The following F13A1 variants were observed in gnomAD, a reference collection of about 807,000 sequenced individuals.
The protein encoded by F13A1 is FSF, A subunit.
F13A1 carries 47 observed loss-of-function variants against 80.1 expected under a neutral mutation model. The observed-to-expected ratio is 0.59, with a 90% CI of 0.46 to 0.75. The LOEUF is 0.75. Among genes scored for constraint, F13A1 ranks in the 30% least tolerant of loss-of-function variants. F13A1 has a pLI of 0.00. For missense variants in F13A1, 817 were observed against 930.4 expected, an observed-to-expected ratio of 0.88 and a Z score of 1.59; for synonymous variants, 349 against 344.9, an observed-to-expected ratio of 1.01 and a Z score of -0.13.
At chr6:6,146,497 C>T (rs371235506) in intron 14 of F13A1, among the ~76,000 whole-genome samples, 46 of 152,252 alleles carry the variant, frequency 3.0e-4, no homozygotes, top group African/African-American at 1.1e-3. Flanking sequence ...CTGAGTGTCA[C>T]GAACAAGCCC....
chr6:6,151,369 T>C (rs4607478), intron 14 of F13A1, among the ~76,000 whole-genome samples: 32,253 of 151,820 alleles, frequency 0.21, 3,506 homozygotes, highest in Middle Eastern at 0.28. Context: ...GAAAAGGGGG[T>C]ATCTCTCAGC....
intron 10 of F13A1, among the ~76,000 whole-genome samples, chr6:6,190,419 T>C (rs938361799): frequency 5.9e-5 from 9 of 151,560 alleles, no homozygotes; most frequent in South Asian, 2.1e-4. Flanking sequence ...ATGTCCTTTC[T>C]GTTTGTTAGT....
chr6:6,201,786 C>G (rs1010790137), intron 8 of F13A1, among the ~76,000 whole-genome samples: 15 of 152,152 alleles, frequency 9.9e-5, no homozygotes, highest in African/African-American at 3.1e-4. Context: ...TCAAGCCATC[C>G]TCCTGCCCCA....
At chr6:6,183,450 G>C (rs1761024243) in intron 10 of F13A1, among the ~76,000 whole-genome samples, 1 of 152,204 alleles carries the variant, frequency 6.6e-6, no homozygotes, top group Non-Finnish European at 1.5e-5. Context: ...CCATTAGAGA[G>C]TTTATGCTTT....
intron 6 of F13A1, among the ~76,000 whole-genome samples, chr6:6,239,564 G>A (rs1485704749): frequency 7.9e-5 from 12 of 152,190 alleles, no homozygotes; most frequent in Admixed American, 7.9e-4. Context: ...CCCAAGCTCT[G>A]ATAGGGGTGG....
intron 3 of F13A1, among the ~76,000 whole-genome samples, chr6:6,301,130 C>G (rs1229938295): frequency 6.6e-6 from 1 of 152,046 alleles, no homozygotes; most frequent in African/African-American, 2.4e-5. Context: ...ATCTAATTTC[C>G]TTGGCTTTAT....
chr6:6,176,305 C>A (rs1760882221), intron 11 of F13A1, among the ~76,000 whole-genome samples: 1 of 152,216 alleles, frequency 6.6e-6, no homozygotes, highest in Non-Finnish European at 1.5e-5. Context: ...TCACTGAGGG[C>A]TAGCTCTGTG....
chr6:6,194,758 C>T (rs1761259604), intron 10 of F13A1, among the ~76,000 whole-genome samples: 1 of 152,238 alleles, frequency 6.6e-6, no homozygotes, highest in Non-Finnish European at 1.5e-5. Flanking sequence ...CCCCCCAGTA[C>T]AATGCCTGGT....
intron 3 of F13A1, among the ~76,000 whole-genome samples, chr6:6,271,096 C>T (rs1023428574): frequency 4.6e-5 from 7 of 152,104 alleles, no homozygotes; most frequent in Non-Finnish European, 8.8e-5. Flanking sequence ...GAGATTAATT[C>T]CAAAGGAAGG....
At chr6:6,161,599 G>C (rs1760576861) in intron 13 of F13A1, among the ~76,000 whole-genome samples, 1 of 149,662 alleles carries the variant, frequency 6.7e-6, no homozygotes, top group South Asian at 2.1e-4. Flanking sequence ...ACATGGGAAG[G>C]CAGAGAAAAA....
chr6:6,190,579 C>A (rs538985807), intron 10 of F13A1, among the ~76,000 whole-genome samples: 2 of 150,330 alleles, frequency 1.3e-5, no homozygotes, highest in South Asian at 2.2e-4. Flanking sequence ...CAGTCTGCCC[C>A]TTCTCAGATC....
intron 5 of F13A1, among the ~76,000 whole-genome samples, chr6:6,249,766 T>TGCA (rs1456829027): frequency 1.3e-5 from 2 of 152,138 alleles, no homozygotes; most frequent in Non-Finnish European, 1.5e-5. Context: ...AGTCAAAGGT[T>TGCA]GCATGTCACT....
chr6:6,163,291 T>G (rs1002091205), intron 13 of F13A1, among the ~76,000 whole-genome samples: 1 of 152,228 alleles, frequency 6.6e-6, no homozygotes, highest in Non-Finnish European at 1.5e-5. Context: ...CATTGTGGTT[T>G]CGTACTTTTA....
intron 6 of F13A1, among the ~76,000 whole-genome samples, chr6:6,233,739 G>A (rs765790755): frequency 6.6e-6 from 1 of 152,062 alleles, no homozygotes; most frequent in Non-Finnish European, 1.5e-5. Context: ...ATATCAAAAA[G>A]ATAATCCGCC....
In F13A1 at chr6:6,232,422, C is replaced by T. The variant is rs1757365093; in HGVS notation, c.799-7562G>A. 2.0e-5 allele frequency among the ~76,000 whole-genome samples: 3 copies of T among 152,116 alleles called. No homozygotes were observed. In the South Asian group the frequency reaches 6.2e-4, roughly 31 times the overall value. ...AATATCACAATCCTAAACAAATGTG[C>T]ACTGAACACTCAAGTTCCCAAATTT... On this transcript the variant is annotated intron_variant, in intron 6 of 14. Coordinates refer to ENST00000264870, the MANE Select transcript of F13A1 (RefSeq NM_000129.4).
In F13A1 at chr6:6,243,952, G is replaced by T. The variant is rs528692040; in HGVS notation, c.798+4360C>A. Among the ~76,000 whole-genome samples, 1 of 152,354 alleles carries T rather than the reference G, an allele frequency of 6.6e-6. No homozygotes were observed. The highest frequency in any genetic ancestry group is 2.1e-4 in the South Asian group (1 of 4,830). On this transcript the variant is annotated intron_variant, in intron 6 of 14. Transcript: ENST00000264870. This position sits in a 1 kb window ranked among gnomAD's most constrained non-coding sequence, Gnocchi z 4.2. The stretch of plus-strand genomic sequence containing the variant: ...GGGAAATTCTCTGCCCATAGTTGCT[G>T]CCAGATCCTATCAGTCGGGAGGCAG...
chr6:6,262,243 G>C lies in F13A1; in HGVS notation c.571+4315C>G, dbSNP rs112167172. On this transcript the variant is annotated intron_variant, in intron 4 of 14. Coordinates refer to ENST00000264870, the MANE Select transcript of F13A1 (RefSeq NM_000129.4). The stretch of plus-strand genomic sequence containing the variant: ...GTGATTCTGATGTGCTCCAAGCGTG[G>C]TGACCCTCCAGGTGATTCTGATGTG... Among the ~76,000 whole-genome samples, 815 of 147,774 alleles carry C rather than the reference G, an allele frequency of 5.5e-3. 2 individuals are homozygous for C. The highest frequency in any genetic ancestry group is 0.025 in the South Asian group (113 of 4,548).
In F13A1 at chr6:6,174,958, G is replaced by A; in HGVS notation, c.1460-91C>T. 6.7e-6 allele frequency: 10 copies of A among 1,484,734 alleles called. No homozygotes were observed. The South Asian group carries it at 8.1e-5, about 12-fold the overall frequency. 92.0% of individuals were successfully genotyped at this position (1,484,734 alleles called of 1,614,324 possible). A position where few individuals can be genotyped will look rare whatever the true frequency, so the allele number is the denominator to read the frequency against. On this transcript the variant is annotated intron_variant, in intron 11 of 14. Coordinates refer to ENST00000264870, the MANE Select transcript of F13A1 (RefSeq NM_000129.4). ...GGATGCACCGTGTACTGCACTTGTT[G>A]GGGTGTTTCTATAATACAAGCTTCA...
At chr6:6,292,773 C>T (rs1446267880) in intron 3 of F13A1, among the ~76,000 whole-genome samples, 10 of 152,180 alleles carry the variant, frequency 6.6e-5, no homozygotes, top group African/African-American at 9.6e-5. Flanking sequence ...CTCAAGGCTG[C>T]CAGCATTAGG....
Sources: gnomAD v4.1 joint callset for allele counts (sites outside exome capture counted in the v4.1 genomes callset) on GRCh38, gnomAD v4.1.1 for gene constraint, Gnocchi (gnomAD v3.1) non-coding constraint, MANE v1.5 for transcripts, NCBI Gene and HGNC (gene_info 2026-07-23, HGNC 2026-07-21) for gene names.